Variants in RABL6 observed in about 807,000 individuals in gnomAD.
RABL6 encodes RAB, member RAS oncogene family like 6, also known as rab-like protein 6.
In RABL6, 28 loss-of-function variants were observed where a neutral mutation model predicts 72.9. The ratio of observed to expected loss-of-function variants is 0.38; its 90% CI spans 0.28 to 0.53. The LOEUF (loss-of-function observed/expected upper bound fraction) is 0.53, where lower values mean the gene tolerates loss of function less well. Ranked by LOEUF, RABL6 falls within the 20% of genes least tolerant of loss-of-function variation. The pLI, the probability that RABL6 is intolerant of heterozygous loss-of-function variation, is 0.80. For synonymous variants in RABL6, 477 were observed against 421.2 expected (o/e 1.13, Z -1.62); for missense variants, 1,029 against 1,008.4 (o/e 1.02, Z -0.28).
intron 3 of RABL6, 63 bp downstream of exon 3, chr9:136,825,889 T>G (rs2131181649): frequency 6.5e-7 from 1 of 1,544,948 alleles, no homozygotes; most frequent in East Asian, 2.3e-5. Context: ...CAGAGAGGCT[T>G]CCTTTCTTTC....
Position 136,837,872 on chromosome 9 carries a change from G to A in RABL6, c.1137G>A (p.Pro379=), listed in dbSNP as rs376293277. ...EAAPPPPEPV[P]AAEGPATVQS... ...CATCACTGTTCACAGAGCCAGTCCCGGCCGCAGAGGGCCCAGCAACGGTCC... is the reference window on the plus strand; with the variant it reads ...CATCACTGTTCACAGAGCCAGTCCCAGCCGCAGAGGGCCCAGCAACGGTCC... Residue 379 remains proline, a synonymous_variant, in exon 10 of 15, where the codon CCG becomes CCA. Transcript: ENST00000311502. 3.1e-4 allele frequency: 481 copies of A among 1,549,442 alleles called. No individual in the cohort carries two copies. The highest frequency in any genetic ancestry group is 3.9e-4 in the Non-Finnish European group (449 of 1,147,176).
intron 1 of RABL6, chr9:136,813,420 TC>T: frequency 1.3e-6 from 1 of 767,518 alleles, no homozygotes; most frequent in Non-Finnish European, 2.1e-6. Flanking sequence ...GATTCACCCC[TC>T]CAAGTGGTCT....
At position 136,828,546 on chromosome 9, in the gene RABL6, G is replaced by C; in HGVS notation, c.366G>C (p.Glu122Asp). ...DGLKMENDPQ[E>D]AESEMALDAE... ...TAAAGATGGAGAACGACCCCCAGGA[G>C]GTGAGTGCCAGGTACACAGTGGGTA... The change falls in exon 4 of 15, where the codon GAG (glutamate) becomes GAC (aspartate). Residue 122 changes from glutamate to aspartate, a missense_variant and splice_region_variant. Physicochemically the swap from Glu to Asp is conservative, Grantham distance 45. Around this residue, in one of 2 missense-constraint regions of RABL6, gnomAD observed 434 missense variants for 536.1 expected, o/e 0.81. Coordinates refer to ENST00000311502, the MANE Select transcript of RABL6 (RefSeq NM_024718.5). 6.2e-7 allele frequency: 1 copy of C among 1,613,264 alleles called. No individual in the cohort carries two copies. The highest frequency in any genetic ancestry group is 8.5e-7 in the Non-Finnish European group (1 of 1,179,742).
chr9:136,823,520 C>A lies in RABL6; in HGVS notation c.131-5C>A. 6.2e-7 allele frequency: 1 copy of A among 1,613,434 alleles called. No individual in the cohort carries two copies. The highest frequency in any genetic ancestry group is 8.5e-7 in the Non-Finnish European group (1 of 1,179,738). ...TGCCTTTTCTTTTTCTCTTCCCGTC[C>A]CCAGTGAAGATAGTGATCCGGGGAG... is the stretch of plus-strand genomic sequence containing the variant. On this transcript the variant is annotated splice_polypyrimidine_tract_variant and splice_region_variant and intron_variant, in intron 1 of 14. Transcript: ENST00000311502.
intron 10 of RABL6, 70 bp from the exon 11 acceptor site, chr9:136,838,839 C>T: frequency 7.2e-7 from 1 of 1,391,002 alleles, no homozygotes; most frequent in Non-Finnish European, 9.6e-7. Context: ...GCGCCTAGAA[C>T]CAAGGCCCGT....
chr9:136,831,309 C>T (rs1848468555), intron 5 of RABL6, among the ~76,000 whole-genome samples: 1 of 152,224 alleles, frequency 6.6e-6, no homozygotes, highest in South Asian at 2.1e-4. Flanking sequence ...GTGTCCTCGG[C>T]TGCCCCGGTG....
Position 136,840,836 on chromosome 9 carries a change from G to C in RABL6, c.*314G>C. 6.5e-7 allele frequency: 1 copy of C among 1,546,158 alleles called. No individual in the cohort carries two copies. The highest frequency in any genetic ancestry group is 8.7e-7 in the Non-Finnish European group (1 of 1,146,302). ...TGACTGAGGCCCAGGAGGGACCTGT[G>C]AGGGTCTGTTTACAGAGGCTGGGCA... On this transcript the variant is annotated 3_prime_UTR_variant, in exon 15 of 15. Coordinates refer to ENST00000311502, the MANE Select transcript of RABL6 (RefSeq NM_024718.5).
In RABL6 at chr9:136,821,624, C is replaced by T. The variant is rs1588354638; in HGVS notation, c.131-1901C>T. 8.1e-6 allele frequency: 8 copies of T among 987,874 alleles called. No individual in the cohort carries two copies. In the South Asian group the frequency reaches 3.7e-4, roughly 46 times the overall value. 61.2% of individuals were successfully genotyped at this position (987,874 alleles called of 1,614,324 possible). On this transcript the variant is annotated intron_variant, in intron 1 of 14. Coordinates refer to ENST00000311502, the MANE Select transcript of RABL6 (RefSeq NM_024718.5). ...GCCGCGCCCGGGTTCCTGCCTCGGG[C>T]CGGAGGAGGGAGGGCGCCGCGGCCC...
intron 1 of RABL6, chr9:136,821,525 G>T (rs1346837396): frequency 1.1e-5 from 11 of 985,268 alleles, no homozygotes; most frequent in Non-Finnish European, 1.2e-5. Flanking sequence ...GCGCGGCCCG[G>T]GCAGTCTCTG....
At position 136,840,990 on chromosome 9, in the gene RABL6, C is replaced by T; in HGVS notation, c.*468C>T. 6.9e-7 allele frequency: 1 copy of T among 1,445,846 alleles called. No homozygotes were observed. Among genetic ancestry groups the T allele is most frequent in the Non-Finnish European group, 9.1e-7 (1 of 1,096,330 alleles). The allele number at this position is 1,445,846 out of a possible 1,614,324, so 89.6% of individuals were successfully genotyped here. On this transcript the variant is annotated 3_prime_UTR_variant, in exon 15 of 15. Coordinates refer to ENST00000311502, the MANE Select transcript of RABL6 (RefSeq NM_024718.5). ...CTGAACACGGGTGTGCAGACTCACC[C>T]TAAAGGGCGGCCCAGGCCCCACGCT...
chr9:136,823,094 A>G (rs989276590), intron 1 of RABL6, among the ~76,000 whole-genome samples: 12 of 151,880 alleles, frequency 7.9e-5, no homozygotes, highest in Non-Finnish European at 1.6e-4. Flanking sequence ...TCTCAAAAAA[A>G]AAAAAAAAAA....
chr9:136,832,572 C>G (rs1848500347), intron 7 of RABL6: 1 of 648,288 alleles, frequency 1.5e-6, no homozygotes, highest in Non-Finnish European at 2.8e-6. Flanking sequence ...GGGCTAGACC[C>G]AGTCCCAGGA....
intron 7 of RABL6, chr9:136,834,088 T>A: frequency 7.3e-7 from 1 of 1,361,974 alleles, no homozygotes; most frequent in Non-Finnish European, 9.5e-7. Flanking sequence ...TTCAAGCAGA[T>A]CTGATGTCCT....
At chr9:136,824,531 A>G (rs772195787) in intron 2 of RABL6, among the ~76,000 whole-genome samples, 23 of 151,668 alleles carry the variant, frequency 1.5e-4, no homozygotes, top group Non-Finnish European at 2.2e-4. Flanking sequence ...GGGTTTCACC[A>G]TCTTGGCCAG....
chr9:136,807,971 G>C lies in RABL6; in HGVS notation c.-226G>C. ...CAAGATGGCGGCGCTGACTCCTGGA[G>C]AGCGGTCGCGCCGGAGGCCGCGGGG... is the stretch of plus-strand genomic sequence containing the variant. On this transcript the variant is annotated 5_prime_UTR_variant, in exon 1 of 15. Transcript: ENST00000311502. 2 of 1,003,952 alleles carry C rather than the reference G, an allele frequency of 2.0e-6. No homozygotes were observed. The highest frequency in any genetic ancestry group is 2.4e-6 in the Non-Finnish European group (2 of 843,978). 62.2% of individuals were successfully genotyped at this position (1,003,952 alleles called of 1,614,324 possible).
Position 136,840,438 on chromosome 9 carries a change from G to A in RABL6, c.2106G>A (p.Thr702=), listed in dbSNP as rs988204588. The A allele has an allele frequency of 2.2e-5, 34 of 1,547,978 alleles. No individual in the cohort carries two copies. Among genetic ancestry groups the A allele is most frequent in the East Asian group, 4.9e-5 (2 of 40,862 alleles). The change falls in exon 15 of 15, where the codon ACG becomes ACA. Residue 702 remains threonine (T), a synonymous_variant. Transcript: ENST00000311502. ...GGCCCCCGCGCAGCAGGGAGAGGAC[G>A]GCTGCCGATGAGCTGGAGGCTTTCC... ...QQRPPRSRER[T]AADELEAFLG... is the part of the protein sequence containing the mutation.
intron 9 of RABL6, 97 bp downstream of exon 9, chr9:136,837,759 T>C: frequency 6.5e-7 from 1 of 1,543,460 alleles, no homozygotes; most frequent in East Asian, 2.4e-5. Context: ...TTCTTCCTGC[T>C]TGTCCCAGTC....
Position 136,839,389 on chromosome 9 carries a change from A to T in RABL6, c.1661A>T (p.Glu554Val), listed in dbSNP as rs748827682. Residue 554 changes from glutamate to valine, a missense_variant, in exon 12 of 15, where the codon GAG (glutamate) becomes GTG (valine). Glu to Val is a moderately radical substitution (Grantham distance 121). This residue lies in a region of RABL6 where 595 missense variants were observed against 472.4 expected (regional missense o/e 1.26). Transcript: ENST00000311502. ...AAGGGTGAGCAGGCCTCCTCGTCGGAGAGTGACCCCGAGGGACCCATTGCT... is the reference window on the plus strand; with the variant it reads ...AAGGGTGAGCAGGCCTCCTCGTCGGTGAGTGACCCCGAGGGACCCATTGCT... ...PGKGEQASSS[E>V]SDPEGPIAAQ... 3.1e-6 allele frequency: 5 copies of T among 1,612,462 alleles called. No individual in the cohort carries two copies. The African/African-American group carries it at 4.0e-5, about 13-fold the overall frequency.
In RABL6 at chr9:136,807,996, G is replaced by T. The variant is rs1412051713; in HGVS notation, c.-201G>T. 9.9e-7 allele frequency: 1 copy of T among 1,015,100 alleles called. No individual in the cohort carries two copies. 62.9% of individuals were successfully genotyped at this position (1,015,100 alleles called of 1,614,324 possible). A position where few individuals can be genotyped will look rare whatever the true frequency, so the allele number is the denominator to read the frequency against. On this transcript the variant is annotated 5_prime_UTR_variant, in exon 1 of 15. Coordinates refer to ENST00000311502, the MANE Select transcript of RABL6 (RefSeq NM_024718.5). ...GAGCGGTCGCGCCGGAGGCCGCGGG[G>T]GCCGGAGCGGAGCAGCCGCGGCTGA... is the stretch of plus-strand genomic sequence containing the variant.
Sources: allele counts gnomAD v4.1 joint callset (sites outside exome capture counted in the v4.1 genomes callset), GRCh38; gene constraint gnomAD v4.1.1; regional missense constraint gnomAD v4.1.1; transcripts MANE v1.5; gene names NCBI Gene and HGNC (gene_info 2026-07-23, HGNC 2026-07-21).